The following LRRC4C variants were observed in gnomAD, a reference collection of about 807,000 sequenced individuals.
LRRC4C encodes leucine rich repeat containing 4C.
In LRRC4C, 5 loss-of-function variants were observed where a neutral mutation model predicts 33.6. That is an observed-to-expected ratio of 0.15 (90% CI 0.08 to 0.31). LRRC4C has a LOEUF of 0.31. Ranked by LOEUF, LRRC4C falls within the 10% of genes least tolerant of loss-of-function variation. The probability of loss-of-function intolerance (pLI) is 1.00; values close to 1 mark genes in which losing one functional copy is unlikely to be tolerated. For missense variants in LRRC4C, 560 were observed against 796.7 expected (o/e 0.70, Z 3.58); for synonymous variants, 329 against 302.0 (o/e 1.09, Z -0.93).
intron 1 of LRRC4C, among the ~76,000 whole-genome samples, chr11:41,321,857 T>G (rs1591262383): frequency 6.6e-6 from 1 of 151,994 alleles, no homozygotes; most frequent in Admixed American, 6.6e-5. Flanking sequence ...AAACTGTTTA[T>G]ATTAAACTGT....
intron 3 of LRRC4C, among the ~76,000 whole-genome samples, chr11:40,588,552 C>G (rs1958875726): frequency 1.3e-5 from 2 of 151,698 alleles, no homozygotes; most frequent in East Asian, 3.9e-4. Flanking sequence ...TTTTCTAGTT[C>G]TTTTAATTGT....
At chr11:40,346,741 T>C (rs987438160) in intron 3 of LRRC4C, among the ~76,000 whole-genome samples, 2 of 152,214 alleles carry the variant, frequency 1.3e-5, no homozygotes, top group Non-Finnish European at 2.9e-5. Context: ...AATCTCTTTG[T>C]ATGTCTTCAT....
At chr11:40,429,841 G>A (rs147107530) in intron 3 of LRRC4C, among the ~76,000 whole-genome samples, 5 of 152,314 alleles carry the variant, frequency 3.3e-5, no homozygotes, top group African/African-American at 9.6e-5. Flanking sequence ...GATTAGTGAT[G>A]TGCATAGATT....
rs556733626 is a variant in LRRC4C at position 40,988,214 on chromosome 11, C to T, written c.-495-54491G>A. Among the ~76,000 whole-genome samples, 51 of 152,290 alleles carry T rather than the reference C, an allele frequency of 3.3e-4. 1 individual carries two copies. In the South Asian group the frequency reaches 9.9e-3, roughly 30 times the overall value. On this transcript the variant is annotated intron_variant, in intron 1 of 6. Coordinates refer to ENST00000528697, the MANE Select transcript of LRRC4C (RefSeq NM_001258419.2). ...GAGTAAGATGGAGATATTTTCTCAT[C>T]ATCATTTCAATTACAGTTCTTCCCT...
chr11:40,163,347 C>T (rs1219218547), intron 5 of LRRC4C, among the ~76,000 whole-genome samples: 1 of 152,136 alleles, frequency 6.6e-6, no homozygotes, highest in Non-Finnish European at 1.5e-5. Flanking sequence ...AAGTATGCTG[C>T]ATTTCAAAAG....
At chr11:40,126,111 C>G (rs1856202354) in intron 6 of LRRC4C, among the ~76,000 whole-genome samples, 1 of 151,088 alleles carries the variant, frequency 6.6e-6, no homozygotes, top group South Asian at 2.1e-4. Flanking sequence ...GCTAAACACA[C>G]TGACTCTGCA....
chr11:41,348,093 T>A (rs986506877), intron 1 of LRRC4C, among the ~76,000 whole-genome samples: 1 of 152,196 alleles, frequency 6.6e-6, no homozygotes, highest in Admixed American at 6.5e-5. Context: ...CTGTAACTCT[T>A]ATCTCTCTTG....
chr11:40,362,113 C>G (rs897351812), intron 3 of LRRC4C, among the ~76,000 whole-genome samples: 4 of 152,096 alleles, frequency 2.6e-5, no homozygotes, highest in Non-Finnish European at 5.9e-5. Context: ...CAAATTAACT[C>G]CAGATGGATT....
intron 1 of LRRC4C, among the ~76,000 whole-genome samples, chr11:40,998,397 T>A: frequency 6.6e-6 from 1 of 152,080 alleles, no homozygotes; most frequent in East Asian, 1.9e-4. Context: ...AATATACAGT[T>A]CTAAATCTGG....
intron 2 of LRRC4C, among the ~76,000 whole-genome samples, chr11:40,716,235 T>C (rs987728135): frequency 6.6e-6 from 1 of 152,154 alleles, no homozygotes; most frequent in African/African-American, 2.4e-5. Flanking sequence ...CATGGGTCCA[T>C]GTGCAAGGTC....
At chr11:40,351,397 T>A (rs75900272) in intron 3 of LRRC4C, among the ~76,000 whole-genome samples, 4,875 of 152,146 alleles carry the variant, frequency 0.032, 109 homozygotes, top group Non-Finnish European at 0.045. Flanking sequence ...GAAATATTCA[T>A]AAATATTTAT....
intron 4 of LRRC4C, among the ~76,000 whole-genome samples, chr11:40,261,087 C>T (rs1310977947): frequency 6.6e-6 from 1 of 151,928 alleles, no homozygotes; most frequent in Non-Finnish European, 1.5e-5. Flanking sequence ...CACTATGTTG[C>T]CCAGGCTGGT....
intron 3 of LRRC4C, among the ~76,000 whole-genome samples, chr11:40,615,693 T>A (rs1158548259): frequency 6.6e-6 from 1 of 151,692 alleles, no homozygotes; most frequent in Admixed American, 6.6e-5. Context: ...CTTTAATTGG[T>A]GGTTTTCAAA....
intron 1 of LRRC4C, among the ~76,000 whole-genome samples, chr11:41,113,928 A>G (rs774449409): frequency 6.6e-6 from 1 of 152,108 alleles, no homozygotes. Context: ...CACCATGAGA[A>G]CACAATATTT....
chr11:40,510,538 G>T lies in LRRC4C; in HGVS notation c.-270+137604C>A, dbSNP rs567376849. On this transcript the variant is annotated intron_variant, in intron 3 of 6. Coordinates refer to ENST00000528697, the MANE Select transcript of LRRC4C (RefSeq NM_001258419.2). The stretch of plus-strand genomic sequence containing the variant: ...ATAATTTCAAAGATAAATGAAGTCA[G>T]TGAGGATAAGTATCTTGCCATTAGC... Among the ~76,000 whole-genome samples, 53 of 152,292 alleles carry T rather than the reference G, an allele frequency of 3.5e-4. No individual in the cohort carries two copies. In the South Asian group the frequency reaches 0.011, roughly 30 times the overall value.
chr11:40,909,452 AAAAC>A (rs1267389077), intron 2 of LRRC4C, among the ~76,000 whole-genome samples: 9 of 152,132 alleles, frequency 5.9e-5, no homozygotes, highest in African/African-American at 2.2e-4. Context: ...GAAACATACA[AAAAC>A]AAGCAATAAA....
chr11:41,112,103 C>T (rs1941866580), intron 1 of LRRC4C, among the ~76,000 whole-genome samples: 2 of 151,956 alleles, frequency 1.3e-5, no homozygotes, highest in Non-Finnish European at 2.9e-5. Context: ...TAATTTGCTA[C>T]ATTAACAGTT....
chr11:40,158,937 ATTTC>A (rs1565068692), intron 5 of LRRC4C, among the ~76,000 whole-genome samples: 1 of 152,180 alleles, frequency 6.6e-6, no homozygotes, highest in African/African-American at 2.4e-5. Flanking sequence ...ATTAAAATTC[ATTTC>A]TTTATTCACT....
rs1258842343 is a variant in LRRC4C at position 41,435,267 on chromosome 11, T to C, written c.-496+24164A>G. ...CAAGAGAGCATTCATGTTAGAACAA[T>C]ATTAGAATGTGATTCCAGTAATATT... On this transcript the variant is annotated intron_variant, in intron 1 of 6. Transcript: ENST00000528697. Among the ~76,000 whole-genome samples, 3 of 152,174 alleles carry C rather than the reference T, an allele frequency of 2.0e-5. No homozygotes were observed. The East Asian group carries it at 5.8e-4, about 29-fold the overall frequency.
Sources: allele counts gnomAD v4.1 joint callset (sites outside exome capture counted in the v4.1 genomes callset), GRCh38; gene constraint gnomAD v4.1.1; transcripts MANE v1.5; gene names NCBI Gene and HGNC (gene_info 2026-07-23, HGNC 2026-07-21).